Variants in SFXN5 observed in about 807,000 individuals in gnomAD.
SFXN5 encodes the protein sideroflexin 5.
SFXN5 carries 43 observed loss-of-function variants against 50.2 expected under a neutral mutation model. That is an observed-to-expected ratio of 0.86 (90% CI 0.67 to 1.11). The LOEUF is 1.11. Ranked by LOEUF, SFXN5 falls within the 50% of genes least tolerant of loss-of-function variation. The pLI is 0.00. For synonymous variants in SFXN5, 203 were observed against 185.8 expected (o/e 1.09, Z -0.75); for missense variants, 463 against 454.1 (o/e 1.02, Z -0.18).
chr2:72,990,826 G>A (rs62147719), intron 9 of SFXN5, among the ~76,000 whole-genome samples: 5,692 of 152,242 alleles, frequency 0.037, 153 homozygotes, highest in Non-Finnish European at 0.057. Flanking sequence ...ATCTCCAGGC[G>A]TTTGAACGGC....
chr2:73,026,961 A>C (rs980410114), intron 3 of SFXN5, among the ~76,000 whole-genome samples: 1 of 152,230 alleles, frequency 6.6e-6, no homozygotes, highest in Non-Finnish European at 1.5e-5. Context: ...TCCTGATCTC[A>C]GGTGATCCGC....
intron 2 of SFXN5, among the ~76,000 whole-genome samples, chr2:73,047,569 C>T (rs1369363190): frequency 2.0e-5 from 3 of 151,710 alleles, no homozygotes; most frequent in East Asian, 3.9e-4. Context: ...CCATACTGTT[C>T]TCATAGTAGT....
At chr2:72,957,970 T>C (rs1673295255) in intron 13 of SFXN5, among the ~76,000 whole-genome samples, 1 of 152,180 alleles carries the variant, frequency 6.6e-6, no homozygotes, top group Non-Finnish European at 1.5e-5. Flanking sequence ...AGAGGGACTT[T>C]GGTTAAATAT....
intron 3 of SFXN5, among the ~76,000 whole-genome samples, chr2:73,026,959 T>C (rs2105860706): frequency 6.6e-6 from 1 of 152,282 alleles, no homozygotes; most frequent in South Asian, 2.1e-4. Context: ...ACTCCTGATC[T>C]CAGGTGATCC....
intron 6 of SFXN5, among the ~76,000 whole-genome samples, chr2:73,007,541 C>A (rs1453262591): frequency 6.6e-6 from 1 of 152,106 alleles, no homozygotes; most frequent in Non-Finnish European, 1.5e-5. Context: ...CTGTACCATT[C>A]ACCTCATCAG....
intron 6 of SFXN5, among the ~76,000 whole-genome samples, chr2:73,004,562 G>A (rs1674364693): frequency 6.6e-6 from 1 of 152,202 alleles, no homozygotes; most frequent in Admixed American, 6.5e-5. Flanking sequence ...GTGAGCCGAG[G>A]GGGCGCCGAC....
intron 11 of SFXN5, among the ~76,000 whole-genome samples, chr2:72,970,998 T>C (rs1364668904): frequency 2.0e-5 from 3 of 152,160 alleles, no homozygotes; most frequent in African/African-American, 7.2e-5. Flanking sequence ...TGTGTTTTCA[T>C]TTTTTAAACT....
chr2:72,954,705 C>T (rs750666038), intron 13 of SFXN5, among the ~76,000 whole-genome samples: 12 of 152,212 alleles, frequency 7.9e-5, no homozygotes, highest in South Asian at 2.1e-4. Flanking sequence ...CCATAAGACA[C>T]GTTCCCAGGA....
chr2:73,037,128 G>A (rs1045695251), intron 3 of SFXN5, among the ~76,000 whole-genome samples: 5 of 152,138 alleles, frequency 3.3e-5, no homozygotes, highest in Non-Finnish European at 5.9e-5. Context: ...TTGCTCCCTC[G>A]ATCTCCAGCA....
chr2:72,999,381 T>C (rs2421096), intron 8 of SFXN5, among the ~76,000 whole-genome samples: 142,498 of 151,948 alleles, frequency 0.94, 66,939 homozygotes, highest in East Asian at 0.99. Flanking sequence ...CCATTTGGCA[T>C]CTGGAGCGCT....
intron 10 of SFXN5, among the ~76,000 whole-genome samples, chr2:72,972,927 C>T (rs1332771943): frequency 2.0e-5 from 3 of 152,040 alleles, no homozygotes; most frequent in Non-Finnish European, 4.4e-5. Context: ...GGGGGGCCAC[C>T]AGGGTTTGGG....
chr2:72,950,969 G>A lies in SFXN5; in HGVS notation c.946-5870C>T, dbSNP rs1453571433. ...GCCAGCTCGGGGCGGGCTGGAATCC[G>A]TGGGCCCATCATCTCTTCCATCTGG... On this transcript the variant is annotated intron_variant, in intron 13 of 13. Transcript: ENST00000272433. The surrounding 1 kb of genome is among the most constrained non-coding windows in gnomAD (Gnocchi z 4.2). Among the ~76,000 whole-genome samples, 6 of 152,166 alleles carry A rather than the reference G, an allele frequency of 3.9e-5. No homozygotes were observed. The South Asian group carries it at 1.0e-3, about 26-fold the overall frequency.
In SFXN5 at chr2:73,054,818, G is replaced by C. The variant is rs957789614; in HGVS notation, c.171+3710C>G. 5.9e-5 allele frequency among the ~76,000 whole-genome samples: 9 copies of C among 152,194 alleles called. 1 individual carries two copies. The highest frequency in any genetic ancestry group is 2.2e-4 in the African/African-American group (9 of 41,456). ...AGTTTTGCAGTTCTGGAACTTTCTA[G>C]AATCACACATTAGGTGGGCTAGATA... is the stretch of plus-strand genomic sequence containing the variant. On this transcript the variant is annotated intron_variant, in intron 2 of 13. Coordinates refer to ENST00000272433, the MANE Select transcript of SFXN5 (RefSeq NM_144579.3).
intron 3 of SFXN5, among the ~76,000 whole-genome samples, chr2:73,040,580 C>T (rs1223633037): frequency 6.6e-6 from 1 of 152,214 alleles, no homozygotes; most frequent in African/African-American, 2.4e-5. Flanking sequence ...GGAAGAGATG[C>T]CCACAATCAG....
chr2:73,052,349 TGTGTGTATGC>T (rs1229683589), intron 2 of SFXN5, among the ~76,000 whole-genome samples: 1 of 132,640 alleles, frequency 7.5e-6, no homozygotes, highest in Non-Finnish European at 1.5e-5. Context: ...AGTGTGTGTG[TGTGTGTATGC>T]GTGTGTGTGT....
At chr2:72,969,538 GCATGCCCCAC>G (rs1051336164) in intron 11 of SFXN5, among the ~76,000 whole-genome samples, 11 of 151,960 alleles carry the variant, frequency 7.2e-5, no homozygotes, top group Admixed American at 6.6e-4. Context: ...GGGATTACAG[GCATGCCCCAC>G]CACACCCAGC....
chr2:73,068,928 G>T (rs1250710814), intron 1 of SFXN5, among the ~76,000 whole-genome samples: 3 of 151,524 alleles, frequency 2.0e-5, no homozygotes, highest in Non-Finnish European at 4.4e-5. Flanking sequence ...GGGGGTAGAG[G>T]AAGAGGTGAT....
intron 3 of SFXN5, among the ~76,000 whole-genome samples, chr2:73,023,690 T>C (rs1677194746): frequency 1.3e-5 from 2 of 152,166 alleles, no homozygotes; most frequent in Non-Finnish European, 2.9e-5. Flanking sequence ...TCCTCATCTG[T>C]GGAATGGGCA....
At chr2:73,016,951 C>T (rs923272288) in intron 6 of SFXN5, among the ~76,000 whole-genome samples, 2 of 152,078 alleles carry the variant, frequency 1.3e-5, no homozygotes, top group Non-Finnish European at 1.5e-5. Flanking sequence ...GTTGTTTACC[C>T]CCGTGATCAC....
Sources: gnomAD v4.1 joint callset for allele counts (sites outside exome capture counted in the v4.1 genomes callset) on GRCh38, gnomAD v4.1.1 for gene constraint, Gnocchi (gnomAD v3.1) non-coding constraint, MANE v1.5 for transcripts, NCBI Gene and HGNC (gene_info 2026-07-23, HGNC 2026-07-21) for gene names.